Variants in ADGRB1 observed in about 807,000 individuals in gnomAD.
ADGRB1 encodes adhesion G protein-coupled receptor B1.
Under a neutral mutation model 175.7 loss-of-function variants are expected in ADGRB1, and 36 were observed. The ratio of observed to expected loss-of-function variants is 0.20; its 90% CI spans 0.16 to 0.27. The LOEUF (loss-of-function observed/expected upper bound fraction) is 0.27. ADGRB1 is among the 10% of genes least tolerant of loss of function. ADGRB1 has a pLI of 1.00. For synonymous variants in ADGRB1, 1,054 were observed against 979.4 expected, an observed-to-expected ratio of 1.08 and a Z score of -1.42; for missense variants, 1,731 against 2,255.3, an observed-to-expected ratio of 0.77 and a Z score of 4.71.
At chr8:142,477,576 A>G (rs989131386) in intron 6 of ADGRB1, 27 bp downstream of exon 6, 1 of 1,598,212 alleles carries the variant, frequency 6.3e-7, no homozygotes. Context: ...GCGTAGGGGC[A>G]GGGAGGAAGG....
intron 6 of ADGRB1, among the ~76,000 whole-genome samples, chr8:142,477,783 C>T (rs1467029504): frequency 6.6e-6 from 1 of 152,018 alleles, no homozygotes; most frequent in Non-Finnish European, 1.5e-5. Flanking sequence ...TTTTCTCACC[C>T]ATATCCCAGG....
intron 17 of ADGRB1, among the ~76,000 whole-genome samples, chr8:142,509,000 G>A (rs768950125): frequency 3.9e-5 from 6 of 152,160 alleles, no homozygotes; most frequent in Non-Finnish European, 7.3e-5. Context: ...TTCCTTCTCT[G>A]TAAAACAGGA....
At chr8:142,486,769 A>G (rs1841691746) in intron 13 of ADGRB1, among the ~76,000 whole-genome samples, 1 of 152,230 alleles carries the variant, frequency 6.6e-6, no homozygotes, top group Admixed American at 6.5e-5. Context: ...CTGTAATCCC[A>G]GCAGTTCAGG....
intron 1 of ADGRB1, among the ~76,000 whole-genome samples, chr8:142,458,009 C>T (rs1450616688): frequency 1.1e-4 from 17 of 152,184 alleles, no homozygotes; most frequent in Non-Finnish European, 2.5e-4. Context: ...CGCCCCTCCC[C>T]CCGTGCAGTC....
In ADGRB1 at chr8:142,535,651, C is replaced by T. The variant is rs1354086447; in HGVS notation, c.3571-1336C>T. Among the ~76,000 whole-genome samples the T allele has an allele frequency of 2.0e-5, 3 of 152,292 alleles. 1 individual carries two copies. The highest frequency in any genetic ancestry group is 1.5e-5 in the Non-Finnish European group (1 of 68,002). On this transcript the variant is annotated intron_variant, in intron 25 of 30. Coordinates refer to ENST00000517894, the MANE Select transcript of ADGRB1 (RefSeq NM_001702.3). ...CCTGCAGGTGGGCAAGTCAGTCCCT[C>T]GTCTGCCCATGAGGCTGGGGCCTCC... is the stretch of plus-strand genomic sequence containing the variant.
At chr8:142,520,404 GGTAA>G (rs1393118325) in intron 19 of ADGRB1, among the ~76,000 whole-genome samples, 1,036 of 88,482 alleles carry the variant, frequency 0.012, 13 homozygotes, top group South Asian at 0.028. Context: ...TTGTGATGTT[GGTAA>G]TGGTGATAGT....
At chr8:142,466,944 C>G (rs746073569) in intron 2 of ADGRB1, among the ~76,000 whole-genome samples, 1 of 152,196 alleles carries the variant, frequency 6.6e-6, no homozygotes, top group Non-Finnish European at 1.5e-5. Flanking sequence ...CTCAGGGGCC[C>G]GGCCCAAGAT....
chr8:142,500,865 G>A (rs1470981623), intron 17 of ADGRB1, among the ~76,000 whole-genome samples: 1 of 152,212 alleles, frequency 6.6e-6, no homozygotes, highest in Non-Finnish European at 1.5e-5. Context: ...TGACTGCAGG[G>A]AGTGGGGTCA....
At chr8:142,473,518 G>T (rs1587282521) in intron 2 of ADGRB1, among the ~76,000 whole-genome samples, 1 of 152,330 alleles carries the variant, frequency 6.6e-6, no homozygotes, top group East Asian at 1.9e-4. Flanking sequence ...CAGCCACGAA[G>T]GGCCTGTCAC....
At chr8:142,527,487 G>C (rs1844277029) in intron 24 of ADGRB1, among the ~76,000 whole-genome samples, 1 of 152,128 alleles carries the variant, frequency 6.6e-6, no homozygotes, top group Admixed American at 6.5e-5. Context: ...GTGCCTGTGG[G>C]TTCTGGTCCT....
intron 16 of ADGRB1, among the ~76,000 whole-genome samples, chr8:142,490,375 C>T (rs890700647): frequency 1.2e-4 from 19 of 152,180 alleles, no homozygotes; most frequent in South Asian, 2.1e-4. Flanking sequence ...GCTAGCAGGA[C>T]GTCAGAGCAG....
At chr8:142,483,270 TCACACTGAGCCCTGATACTGGTCA>T (rs1418181195) in intron 11 of ADGRB1, among the ~76,000 whole-genome samples, 2 of 135,248 alleles carry the variant, frequency 1.5e-5, no homozygotes, top group Non-Finnish European at 3.1e-5. Flanking sequence ...CTGATCCTGG[TCACACTGAGCCCTGATACTGGTCA>T]CACACTGAGC....
Position 142,492,409 on chromosome 8 carries a change from C to A in ADGRB1, c.2675+1594C>A, listed in dbSNP as rs1213266674. Reference sequence around the variant, plus strand: ...GTGGTGATGCCCGGCCGTGCATGGGCCGGGAAGGGAAGCTAGCAGGGTCTG... The same window carrying A: ...GTGGTGATGCCCGGCCGTGCATGGGACGGGAAGGGAAGCTAGCAGGGTCTG... On this transcript the variant is annotated intron_variant, in intron 17 of 30. Transcript: ENST00000517894. This position sits in a 1 kb window ranked among gnomAD's most constrained non-coding sequence, Gnocchi z 4.4. Among the ~76,000 whole-genome samples the A allele has an allele frequency of 2.0e-5, 3 of 152,098 alleles. No individual in the cohort carries two copies. The highest frequency in any genetic ancestry group is 4.4e-5 in the Non-Finnish European group (3 of 68,022).
chr8:142,526,125 G>A (rs1022830975), intron 23 of ADGRB1, among the ~76,000 whole-genome samples: 1 of 152,156 alleles, frequency 6.6e-6, no homozygotes, highest in African/African-American at 2.4e-5. Flanking sequence ...AGGGGAGGGA[G>A]ATCAGGAAGG....
At chr8:142,472,006 G>A (rs1840695775) in intron 2 of ADGRB1, among the ~76,000 whole-genome samples, 1 of 152,236 alleles carries the variant, frequency 6.6e-6, no homozygotes, top group Admixed American at 6.5e-5. Context: ...GGGACCTGGT[G>A]GCAGAGCAGG....
At chr8:142,456,314 C>T (rs116673732) in intron 1 of ADGRB1, among the ~76,000 whole-genome samples, 2,370 of 152,274 alleles carry the variant, frequency 0.016, 30 homozygotes, top group African/African-American at 0.035. Context: ...TCACTCTGTG[C>T]GCACACACTT....
At chr8:142,458,737 G>A (rs150740135) in intron 1 of ADGRB1, among the ~76,000 whole-genome samples, 353 of 152,352 alleles carry the variant, frequency 2.3e-3, no homozygotes, top group Non-Finnish European at 3.9e-3. Flanking sequence ...CTAGACACCA[G>A]AAAGAACTTC....
chr8:142,526,620 C>A lies in ADGRB1; in HGVS notation c.3391C>A (p.Arg1131=). The change falls in exon 24 of 31, where the codon CGG becomes AGG. Residue 1131 remains arginine (R), a synonymous_variant. Coordinates refer to ENST00000517894, the MANE Select transcript of ADGRB1 (RefSeq NM_001702.3). ...CATCACGGACAAGAAGCTGAAGGAG[C>A]GGGCAGGGTAGGACCGGGGCTACGC... The part of the protein sequence containing the change: ...DGITDKKLKE[R]AGASLWSSCV... 6.2e-7 allele frequency: 1 copy of A among 1,610,934 alleles called. No homozygotes were observed. The highest frequency in any genetic ancestry group is 8.5e-7 in the Non-Finnish European group (1 of 1,178,888).
intron 18 of ADGRB1, among the ~76,000 whole-genome samples, chr8:142,514,358 G>T (rs2132062949): frequency 6.6e-6 from 1 of 152,300 alleles, no homozygotes; most frequent in African/African-American, 2.4e-5. Flanking sequence ...CGGCGCAGAT[G>T]CGGGCTGCGC....
Sources: gnomAD v4.1 joint callset for allele counts (sites outside exome capture counted in the v4.1 genomes callset) on GRCh38, gnomAD v4.1.1 for gene constraint, Gnocchi (gnomAD v3.1) non-coding constraint, MANE v1.5 for transcripts, NCBI Gene and HGNC (gene_info 2026-07-23, HGNC 2026-07-21) for gene names.